PODXL2: variants seen among roughly 807,000 people sequenced by gnomAD.
PODXL2 encodes podocalyxin-like protein 2.
A neutral mutation model predicts 53.4 loss-of-function variants in PODXL2; 17 were observed. That is an observed-to-expected ratio of 0.32 (90% CI 0.22 to 0.48). The LOEUF (loss-of-function observed/expected upper bound fraction) is 0.48. PODXL2 is among the 20% of genes least tolerant of loss of function. The probability of loss-of-function intolerance (pLI) is 0.99; values close to 1 mark genes in which losing one functional copy is unlikely to be tolerated. For missense variants in PODXL2, 673 were observed against 760.0 expected, an observed-to-expected ratio of 0.89 and a Z score of 1.35; for synonymous variants, 311 against 306.7, an observed-to-expected ratio of 1.01 and a Z score of -0.15.
At chr3:127,635,252 T>C (rs983184587) in intron 1 of PODXL2, among the ~76,000 whole-genome samples, 8 of 152,226 alleles carry the variant, frequency 5.3e-5, no homozygotes, top group Non-Finnish European at 1.0e-4. Flanking sequence ...CTCCCTGCCC[T>C]ACTAACCCTG....
At chr3:127,662,751 G>A (rs1326822760) in intron 4 of PODXL2, among the ~76,000 whole-genome samples, 1 of 152,176 alleles carries the variant, frequency 6.6e-6, no homozygotes, top group African/African-American at 2.4e-5. Flanking sequence ...TGAGCATAGT[G>A]CTAGGGTTGT....
chr3:127,649,123 A>C (rs893274875), intron 2 of PODXL2, among the ~76,000 whole-genome samples: 1 of 151,760 alleles, frequency 6.6e-6, no homozygotes, highest in Non-Finnish European at 1.5e-5. Flanking sequence ...CCTTTATAGG[A>C]CATATATAAA....
Position 127,648,792 on chromosome 3 carries a change from T to C in PODXL2, c.349+9269T>C, listed in dbSNP as rs1349303142. Among the ~76,000 whole-genome samples the C allele has an allele frequency of 5.6e-5, 8 of 143,242 alleles. No individual in the cohort carries two copies. The East Asian group carries it at 1.4e-3, about 25-fold the overall frequency. 94.0% of individuals were successfully genotyped at this position (143,242 alleles called of 152,430 possible). A position where few individuals can be genotyped will look rare whatever the true frequency, so the allele number is the denominator to read the frequency against. On this transcript the variant is annotated intron_variant, in intron 2 of 7. Transcript: ENST00000342480. ...CCCAGCTAATTTTTGTATTTCTTTT[T>C]TTTTTTTTTTTTTTTTTTGAGACGG...
At chr3:127,656,224 C>T (rs770882369) in intron 2 of PODXL2, among the ~76,000 whole-genome samples, 43 of 152,134 alleles carry the variant, frequency 2.8e-4, no homozygotes, top group Non-Finnish European at 4.9e-4. Flanking sequence ...AGAACTATAT[C>T]CAAAGCTTAA....
At chr3:127,639,724 T>C in intron 2 of PODXL2, among the ~76,000 whole-genome samples, 1 of 152,232 alleles carries the variant, frequency 6.6e-6, no homozygotes, top group East Asian at 1.9e-4. Flanking sequence ...TTCTCTTTAA[T>C]ACTAACCACT....
At chr3:127,662,120 A>G in intron 3 of PODXL2, 117 bp from the exon 4 acceptor site, 2 of 773,534 alleles carry the variant, frequency 2.6e-6, no homozygotes, top group Non-Finnish European at 4.4e-6. Flanking sequence ...TCGCTGTAAT[A>G]CGCCTCCACT....
At chr3:127,634,295 C>T (rs530205658) in intron 1 of PODXL2, among the ~76,000 whole-genome samples, 3 of 152,000 alleles carry the variant, frequency 2.0e-5, no homozygotes, top group African/African-American at 7.3e-5. Flanking sequence ...CATGGTGGCA[C>T]ATGCCTGTAA....
rs1286273472 is a variant in PODXL2 at position 127,672,420 on chromosome 3, C to T, written c.1758C>T (p.Leu586=). The part of the protein sequence containing the change: ...ALNGPGSWGA[L]MGGKRDPEDS... Reference sequence around the variant, plus strand: ...ACGGCCCGGGGAGCTGGGGGGCGCTCATGGGGGGCAAGCGGGACCCCGAGG... The same window carrying T: ...ACGGCCCGGGGAGCTGGGGGGCGCTTATGGGGGGCAAGCGGGACCCCGAGG... Residue 586 remains leucine, a synonymous_variant, in exon 8 of 8, where the codon CTC becomes CTT. Transcript: ENST00000342480. 2 of 1,541,720 alleles carry T rather than the reference C, an allele frequency of 1.3e-6. No individual in the cohort carries two copies. The highest frequency in any genetic ancestry group is 3.9e-5 in the Admixed American group (2 of 50,894).
At chr3:127,668,319 G>A in intron 4 of PODXL2, 122 bp from the exon 5 acceptor site, 1 of 881,780 alleles carries the variant, frequency 1.1e-6, no homozygotes, top group African/African-American at 1.7e-5. Flanking sequence ...GAGTTGACCA[G>A]AGCTGCCTCT....
At chr3:127,650,746 T>A (rs2074683611) in intron 2 of PODXL2, among the ~76,000 whole-genome samples, 1 of 151,986 alleles carries the variant, frequency 6.6e-6, no homozygotes, top group African/African-American at 2.4e-5. Flanking sequence ...AAGCCCCGCC[T>A]CCTGGGTTCA....
intron 1 of PODXL2, among the ~76,000 whole-genome samples, chr3:127,636,326 A>G (rs2074578221): frequency 6.6e-6 from 1 of 152,220 alleles, no homozygotes; most frequent in Non-Finnish European, 1.5e-5. Flanking sequence ...TATTCGGGCT[A>G]GGAAAAAATC....
At position 127,672,650 on chromosome 3, in the gene PODXL2, C is replaced by T. The variant is rs2074861737; in HGVS notation, c.*170C>T. The stretch of plus-strand genomic sequence containing the variant: ...CCCGACTTCACACGGCGGCTTCGGA[C>T]CAACTCCCTCACTCCCGCCCGAGGG... On this transcript the variant is annotated 3_prime_UTR_variant, in exon 8 of 8. Coordinates refer to ENST00000342480, the MANE Select transcript of PODXL2 (RefSeq NM_015720.4). The T allele has an allele frequency of 2.0e-6, 1 of 497,852 alleles. No individual in the cohort carries two copies. 30.8% of individuals were successfully genotyped at this position (497,852 alleles called of 1,614,324 possible).
intron 4 of PODXL2, among the ~76,000 whole-genome samples, chr3:127,665,736 G>T (rs2074792090): frequency 6.6e-6 from 1 of 152,202 alleles, no homozygotes; most frequent in Non-Finnish European, 1.5e-5. Context: ...GGATCATCAA[G>T]ATCTGGATAA....
chr3:127,646,400 T>C (rs551502085), intron 2 of PODXL2, among the ~76,000 whole-genome samples: 4 of 152,140 alleles, frequency 2.6e-5, no homozygotes, highest in African/African-American at 9.6e-5. Flanking sequence ...TTTTTTTTTT[T>C]TTTAGATGAA....
intron 2 of PODXL2, among the ~76,000 whole-genome samples, chr3:127,651,896 C>G (rs1304542174): frequency 1.3e-5 from 2 of 152,244 alleles, no homozygotes; most frequent in Admixed American, 1.3e-4. Flanking sequence ...ACCCAGAATT[C>G]CAGCCCATGC....
chr3:127,661,079 G>A lies in PODXL2; in HGVS notation c.1051G>A (p.Gly351Arg), dbSNP rs754339091. Residue 351 changes from glycine to arginine, a missense_variant, in exon 3 of 8, where the codon GGA (glycine) becomes AGA (arginine). Transcript: ENST00000342480. ...MELTPSSATL[G>R]QEDLNQQLLE... ...ACTGACACCTTCCTCTGCTACCTTG[G>A]GACAAGAAGATCTCAACCAGCAGCT... 8 of 1,614,084 alleles carry A rather than the reference G, an allele frequency of 5.0e-6. No homozygotes were observed. In the Admixed American group the frequency reaches 1.0e-4, roughly 20 times the overall value.
chr3:127,646,388 T>A (rs1456731702), intron 2 of PODXL2, among the ~76,000 whole-genome samples: 1 of 132,506 alleles, frequency 7.5e-6, no homozygotes, highest in Non-Finnish European at 1.6e-5. Flanking sequence ...TTTCCATAGA[T>A]TTTTTTTTTT....
intron 4 of PODXL2, among the ~76,000 whole-genome samples, chr3:127,662,961 T>C (rs2074776651): frequency 6.6e-6 from 1 of 152,228 alleles, no homozygotes; most frequent in Admixed American, 6.5e-5. Context: ...TTCAGTATTA[T>C]AAATATGTAT....
intron 2 of PODXL2, among the ~76,000 whole-genome samples, chr3:127,641,494 C>T (rs554993101): frequency 6.6e-6 from 1 of 152,018 alleles, no homozygotes; most frequent in South Asian, 2.1e-4. Context: ...TAGCTGTGAA[C>T]CACTGTGCCT....
Sources: allele counts gnomAD v4.1 joint callset (sites outside exome capture counted in the v4.1 genomes callset), GRCh38; gene constraint gnomAD v4.1.1; transcripts MANE v1.5; gene names NCBI Gene and HGNC (gene_info 2026-07-23, HGNC 2026-07-21).